The following ARHGAP19 variants were observed in gnomAD, a reference collection of about 807,000 sequenced individuals.
The protein encoded by ARHGAP19 is Rho GTPase activating protein 19.
A neutral mutation model predicts 60.9 loss-of-function variants in ARHGAP19; 48 were observed. The ratio of observed to expected loss-of-function variants is 0.79; its 90% CI spans 0.62 to 1.00. The LOEUF is 1.00. Ranked by LOEUF, ARHGAP19 falls within the 50% of genes least tolerant of loss-of-function variation. The pLI, the probability that ARHGAP19 is intolerant of heterozygous loss-of-function variation, is 0.00. For missense variants in ARHGAP19, 562 were observed against 597.2 expected (o/e 0.94, Z 0.61); for synonymous variants, 209 against 215.5 (o/e 0.97, Z 0.27).
intron 1 of ARHGAP19, among the ~76,000 whole-genome samples, chr10:97,273,962 T>TACACAC (rs55827822): frequency 2.0e-5 from 3 of 149,866 alleles, no homozygotes; most frequent in Non-Finnish European, 4.5e-5. Flanking sequence ...AAGCCACACA[T>TACACAC]ACACACACAC....
At chr10:97,253,807 T>C (rs1422491385) in intron 6 of ARHGAP19, among the ~76,000 whole-genome samples, 1 of 152,144 alleles carries the variant, frequency 6.6e-6, no homozygotes, top group African/African-American at 2.4e-5. Context: ...AAAAATCATA[T>C]GCTGAGGTTG....
intron 1 of ARHGAP19, among the ~76,000 whole-genome samples, chr10:97,271,916 G>A (rs1842963401): frequency 6.6e-6 from 1 of 151,694 alleles, no homozygotes; most frequent in Non-Finnish European, 1.5e-5. Flanking sequence ...AAATAATACA[G>A]ATTTTCTATT....
chr10:97,240,194 A>C (rs940617638), intron 8 of ARHGAP19, among the ~76,000 whole-genome samples: 1 of 152,170 alleles, frequency 6.6e-6, no homozygotes, highest in Admixed American at 6.5e-5. Flanking sequence ...TACACGTAGC[A>C]GCCAAAAAAA....
intron 1 of ARHGAP19, chr10:97,270,548 C>T (rs1210710342): frequency 1.4e-6 from 2 of 1,441,686 alleles, no homozygotes; most frequent in East Asian, 2.5e-5. Flanking sequence ...TTCTACTCTA[C>T]AATATTGTAA....
chr10:97,292,380 C>CG (rs1460138007), intron 1 of ARHGAP19, among the ~76,000 whole-genome samples, 192 bp downstream of exon 1: 5 of 152,194 alleles, frequency 3.3e-5, no homozygotes, highest in Non-Finnish European at 7.4e-5. Context: ...CAGGACCGAG[C>CG]GGGGGGTTTG....
At chr10:97,257,045 CG>C (rs1842764026) in intron 5 of ARHGAP19, among the ~76,000 whole-genome samples, 1 of 151,994 alleles carries the variant, frequency 6.6e-6, no homozygotes, top group Admixed American at 6.6e-5. Context: ...GGCATGAACC[CG>C]GGAGGCAGAG....
intron 6 of ARHGAP19, among the ~76,000 whole-genome samples, chr10:97,248,857 A>G (rs957969059): frequency 3.3e-5 from 5 of 152,016 alleles, no homozygotes; most frequent in Non-Finnish European, 5.9e-5. Context: ...TCACTCTGTC[A>G]CCCAGGCTGG....
intron 8 of ARHGAP19, among the ~76,000 whole-genome samples, chr10:97,240,306 CCAG>C (rs1414381621): frequency 1.3e-5 from 2 of 152,050 alleles, no homozygotes; most frequent in Non-Finnish European, 2.9e-5. Flanking sequence ...CCAAATATGC[CCAG>C]TAGTAGGCAA....
rs528361829 is a variant in ARHGAP19 at position 97,287,284 on chromosome 10, A to G, written c.56+5288T>C. ...TTTCTATTTGTGATTCCCCTTTAGTATTGTCTGCTTAAGAGTAACTTGAAG... is the reference window on the plus strand; with the variant it reads ...TTTCTATTTGTGATTCCCCTTTAGTGTTGTCTGCTTAAGAGTAACTTGAAG... On this transcript the variant is annotated intron_variant, in intron 1 of 11. Coordinates refer to ENST00000358531, the MANE Select transcript of ARHGAP19 (RefSeq NM_032900.6). Among the ~76,000 whole-genome samples, 57 of 152,204 alleles carry G rather than the reference A, an allele frequency of 3.7e-4. No individual in the cohort carries two copies. In the South Asian group the frequency reaches 0.012, roughly 31 times the overall value.
At chr10:97,247,297 A>G (rs1332071886) in intron 6 of ARHGAP19, among the ~76,000 whole-genome samples, 1 of 152,134 alleles carries the variant, frequency 6.6e-6, no homozygotes, top group Non-Finnish European at 1.5e-5. Context: ...GCAACAGAGC[A>G]AGACCCTGTC....
chr10:97,236,123 G>T (rs1458268457), intron 8 of ARHGAP19, among the ~76,000 whole-genome samples: 1 of 152,054 alleles, frequency 6.6e-6, no homozygotes, highest in South Asian at 2.1e-4. Context: ...TTACAGGCGT[G>T]CGCCACCACA....
At chr10:97,249,548 AC>A (rs1472527807) in intron 6 of ARHGAP19, among the ~76,000 whole-genome samples, 4 of 152,146 alleles carry the variant, frequency 2.6e-5, no homozygotes, top group Non-Finnish European at 5.9e-5. Flanking sequence ...AATAAGACAA[AC>A]TTAGAATGTG....
At chr10:97,234,535 A>G (rs1851093392) in intron 9 of ARHGAP19, among the ~76,000 whole-genome samples, 1 of 152,082 alleles carries the variant, frequency 6.6e-6, no homozygotes, top group Admixed American at 6.5e-5. Flanking sequence ...AGTTAACCAA[A>G]ACCTTGCCTT....
intron 9 of ARHGAP19, among the ~76,000 whole-genome samples, chr10:97,230,922 T>G (rs1235470522): frequency 1.3e-5 from 2 of 151,922 alleles, no homozygotes; most frequent in African/African-American, 2.4e-5. Context: ...CTGGGCGTGG[T>G]GGTGCATGCC....
At chr10:97,235,356 A>G (rs770599185) in intron 8 of ARHGAP19, 41 bp from the exon 9 acceptor site, 5 of 1,521,704 alleles carry the variant, frequency 3.3e-6, no homozygotes, top group Admixed American at 1.7e-5. Context: ...ATACTTTCCC[A>G]TCAAGACACG....
chr10:97,290,809 C>G (rs898530975), intron 1 of ARHGAP19, among the ~76,000 whole-genome samples: 1 of 152,082 alleles, frequency 6.6e-6, no homozygotes, highest in African/African-American at 2.4e-5. Context: ...TTAATGACAT[C>G]GAAGGCAACC....
chr10:97,266,839 A>G (rs1216350262), intron 1 of ARHGAP19, among the ~76,000 whole-genome samples: 2 of 152,144 alleles, frequency 1.3e-5, no homozygotes, highest in East Asian at 3.9e-4. Context: ...TCATGATTCA[A>G]TTACCTTCCA....
chr10:97,264,878 C>G lies in ARHGAP19; in HGVS notation c.351G>C (p.Leu117=). The G allele has an allele frequency of 1.9e-6, 3 of 1,613,636 alleles. No individual in the cohort carries two copies. The South Asian group carries it at 3.3e-5, about 18-fold the overall frequency. ...ATATCTGGGCAATGCCTTCCTCCGTCAGTGGGGACCCAAATATCACTCCTT... is the reference window on the plus strand; with the variant it reads ...ATATCTGGGCAATGCCTTCCTCCGTGAGTGGGGACCCAAATATCACTCCTT... The part of the protein sequence containing the change: ...KEKGVIFGSP[L]TEEGIAQIYQ... Residue 117 remains leucine (L), a synonymous_variant, in exon 3 of 12, where the codon CTG becomes CTC. Coordinates refer to ENST00000358531, the MANE Select transcript of ARHGAP19 (RefSeq NM_032900.6).
Position 97,244,147 on chromosome 10 carries a change from G to T in ARHGAP19, c.1006C>A (p.Leu336Ile). ...RTQASKDDLD[L>I]IASCHTKSFQ... is the part of the protein sequence containing the mutation. Reference sequence around the variant, plus strand: ...GACTTAGTATGACATGAAGCTATGAGGTCAAGGTCATCCTAAGGAAAATTT... The same window carrying T: ...GACTTAGTATGACATGAAGCTATGATGTCAAGGTCATCCTAAGGAAAATTT... Residue 336 changes from leucine to isoleucine, a missense_variant, in exon 8 of 12, where the codon CTC becomes ATC. Leu to Ile is a conservative substitution (Grantham distance 5, BLOSUM62 2). Coordinates refer to ENST00000358531, the MANE Select transcript of ARHGAP19 (RefSeq NM_032900.6). 6.3e-7 allele frequency: 1 copy of T among 1,595,188 alleles called. No individual in the cohort carries two copies. Among genetic ancestry groups the T allele is most frequent in the Non-Finnish European group, 8.5e-7 (1 of 1,172,166 alleles).
Sources: gnomAD v4.1 joint callset for allele counts (sites outside exome capture counted in the v4.1 genomes callset) on GRCh38, gnomAD v4.1.1 for gene constraint, MANE v1.5 for transcripts, NCBI Gene and HGNC (gene_info 2026-07-23, HGNC 2026-07-21) for gene names.